The following EHBP1 variants were observed in gnomAD, a reference collection of about 807,000 sequenced individuals.
EHBP1 encodes EH domain-binding protein 1.
In EHBP1, 55 loss-of-function variants were observed where a neutral mutation model predicts 144.0. The ratio of observed to expected loss-of-function variants is 0.38; its 90% CI spans 0.31 to 0.48. The LOEUF (loss-of-function observed/expected upper bound fraction) is 0.48, where lower values mean the gene tolerates loss of function less well. Ranked by LOEUF, EHBP1 falls within the 20% of genes least tolerant of loss-of-function variation. The pLI, the probability that EHBP1 is intolerant of heterozygous loss-of-function variation, is 0.98. For missense variants in EHBP1, 1,200 were observed against 1,364.2 expected (o/e 0.88, Z 1.90); for synonymous variants, 469 against 472.7 (o/e 0.99, Z 0.10).
intron 8 of EHBP1, among the ~76,000 whole-genome samples, chr2:62,863,851 T>G: frequency 7.3e-6 from 1 of 137,746 alleles, no homozygotes; most frequent in Non-Finnish European, 1.6e-5. Context: ...TTTTTTTTTT[T>G]TTTTTTTTTT....
intron 1 of EHBP1, among the ~76,000 whole-genome samples, chr2:62,683,079 T>TAA (rs1227640346): frequency 6.6e-6 from 1 of 152,134 alleles, no homozygotes; most frequent in African/African-American, 2.4e-5. Flanking sequence ...TATTGGCTTA[T>TAA]ATACTGAAAA....
intron 19 of EHBP1, among the ~76,000 whole-genome samples, chr2:63,007,788 C>T (rs2060107315): frequency 6.6e-6 from 1 of 151,726 alleles, no homozygotes; most frequent in African/African-American, 2.4e-5. Context: ...TAAAGAAATT[C>T]AGCAGGGTTT....
intron 19 of EHBP1, among the ~76,000 whole-genome samples, chr2:63,025,204 A>G (rs2060923237): frequency 6.6e-6 from 1 of 152,194 alleles, no homozygotes; most frequent in Admixed American, 6.5e-5. Flanking sequence ...ACGTAATTTG[A>G]TTTGATGGCG....
chr2:62,866,369 T>C (rs1458429084), intron 9 of EHBP1, among the ~76,000 whole-genome samples: 1 of 152,154 alleles, frequency 6.6e-6, no homozygotes, highest in Non-Finnish European at 1.5e-5. Context: ...TTATCAGGCA[T>C]GTAAAGAAAC....
chr2:62,855,831 G>A lies in EHBP1; in HGVS notation c.635-3338G>A, dbSNP rs372185430. Among the ~76,000 whole-genome samples the A allele has an allele frequency of 6.0e-4, 91 of 152,126 alleles. 1 individual carries two copies. Among genetic ancestry groups the A allele is most frequent in the South Asian group, 2.3e-3 (11 of 4,808 alleles). ...AAACAGTTGCAAAGAGGAGCAACCCGTTCCAGGGCCTCCTGTCTGCTGAGA... is the reference window on the plus strand; with the variant it reads ...AAACAGTTGCAAAGAGGAGCAACCCATTCCAGGGCCTCCTGTCTGCTGAGA... On this transcript the variant is annotated intron_variant, in intron 7 of 22. Transcript: ENST00000431489.
intron 21 of EHBP1, among the ~76,000 whole-genome samples, chr2:63,039,537 A>G (rs2061577346): frequency 6.6e-6 from 1 of 152,122 alleles, no homozygotes; most frequent in Non-Finnish European, 1.5e-5. Context: ...GCTCTGTAAA[A>G]TGGACCTTTT....
chr2:62,924,742 A>T (rs1418722199), intron 10 of EHBP1, among the ~76,000 whole-genome samples: 3 of 152,218 alleles, frequency 2.0e-5, no homozygotes, highest in Admixed American at 2.0e-4. Context: ...TCAGGACCAG[A>T]TGGCTTCGTT....
At chr2:62,808,741 G>T (rs1318172257) in intron 5 of EHBP1, among the ~76,000 whole-genome samples, 2 of 152,084 alleles carry the variant, frequency 1.3e-5, no homozygotes, top group African/African-American at 4.8e-5. Flanking sequence ...AATAGGCCTT[G>T]AGTAATGTGA....
chr2:62,971,964 G>T (rs1196695820), intron 14 of EHBP1, among the ~76,000 whole-genome samples: 1 of 152,100 alleles, frequency 6.6e-6, no homozygotes, highest in Admixed American at 6.5e-5. Flanking sequence ...TCAGAAACAG[G>T]AAGTCTAACT....
intron 10 of EHBP1, among the ~76,000 whole-genome samples, chr2:62,923,565 G>A (rs2055257675): frequency 6.6e-6 from 1 of 152,182 alleles, no homozygotes; most frequent in Admixed American, 6.5e-5. Flanking sequence ...CATCCAAGCA[G>A]CTTTGCACCC....
At chr2:62,895,170 A>G (rs2052796006) in intron 10 of EHBP1, among the ~76,000 whole-genome samples, 1 of 152,174 alleles carries the variant, frequency 6.6e-6, no homozygotes, top group Non-Finnish European at 1.5e-5. Context: ...TTTGGGAAGT[A>G]AAAGAATAGT....
intron 13 of EHBP1, 104 bp downstream of exon 13, chr2:62,949,266 T>A: frequency 9.7e-7 from 1 of 1,031,756 alleles, no homozygotes; most frequent in Non-Finnish European, 1.4e-6. Flanking sequence ...AGGTGAAGTG[T>A]AATTTCTATT....
At chr2:62,774,405 GAAGA>G (rs1036814828) in intron 5 of EHBP1, among the ~76,000 whole-genome samples, 8 of 151,256 alleles carry the variant, frequency 5.3e-5, no homozygotes, top group South Asian at 4.2e-4. Flanking sequence ...GAAAAGAAAG[GAAGA>G]AAGAAATGTT....
chr2:62,886,338 T>G (rs1193089824), intron 10 of EHBP1, among the ~76,000 whole-genome samples: 1 of 152,152 alleles, frequency 6.6e-6, no homozygotes, highest in Non-Finnish European at 1.5e-5. Flanking sequence ...AGTAAAATAA[T>G]AAACACACAG....
chr2:62,713,246 C>T (rs1305489852), intron 2 of EHBP1, among the ~76,000 whole-genome samples: 1 of 149,102 alleles, frequency 6.7e-6, no homozygotes, highest in East Asian at 2.0e-4. Context: ...GAGTCAGGTG[C>T]TAAACTCTTT....
intron 2 of EHBP1, among the ~76,000 whole-genome samples, chr2:62,739,673 T>C (rs1276093300): frequency 6.6e-6 from 1 of 152,104 alleles, no homozygotes; most frequent in Non-Finnish European, 1.5e-5. Context: ...CCTTGTGTGG[T>C]AGTGCATGCC....
At chr2:62,702,757 C>A (rs1209304894), upstream of EHBP1, among the ~76,000 whole-genome samples, 1 of 152,126 alleles carries the variant, frequency 6.6e-6, no homozygotes, top group East Asian at 1.9e-4. Flanking sequence ...CTGTTTTGTT[C>A]TTTTCTGTCT....
intron 19 of EHBP1, among the ~76,000 whole-genome samples, chr2:63,026,630 T>C (rs1227175258): frequency 6.6e-6 from 1 of 152,178 alleles, no homozygotes; most frequent in Non-Finnish European, 1.5e-5. Flanking sequence ...CAGAGTATTC[T>C]TGCTTGGCCA....
Position 62,790,648 on chromosome 2 carries a change from C to T in EHBP1, c.312+19256C>T, listed in dbSNP as rs533730016. On this transcript the variant is annotated intron_variant, in intron 5 of 22. Coordinates refer to ENST00000431489, the MANE Select transcript of EHBP1 (RefSeq NM_001142616.3). ...TTCGTTTCTACATGTAAGTTATACA[C>T]GGTATAACAGAACTCCATTTGAAAA... Among the ~76,000 whole-genome samples, 9 of 152,140 alleles carry T rather than the reference C, an allele frequency of 5.9e-5. No homozygotes were observed. In the South Asian group the frequency reaches 8.3e-4, roughly 14 times the overall value.
Sources: allele counts gnomAD v4.1 joint callset (sites outside exome capture counted in the v4.1 genomes callset), GRCh38; gene constraint gnomAD v4.1.1; transcripts MANE v1.5; gene names NCBI Gene and HGNC (gene_info 2026-07-23, HGNC 2026-07-21).